SOS1: variants seen among roughly 807,000 people sequenced by gnomAD.
The protein encoded by SOS1 is SOS Ras/Rac guanine nucleotide exchange factor 1.
In SOS1, 25 loss-of-function variants were observed where a neutral mutation model predicts 157.6. The ratio of observed to expected loss-of-function variants is 0.16; its 90% CI spans 0.12 to 0.22. The LOEUF is 0.22. Ranked by LOEUF, SOS1 falls within the 10% of genes least tolerant of loss-of-function variation. The probability of loss-of-function intolerance (pLI) is 1.00; values close to 1 mark genes in which losing one functional copy is unlikely to be tolerated. For missense variants in SOS1, 1,237 were observed against 1,599.1 expected, an observed-to-expected ratio of 0.77 and a Z score of 3.86; for synonymous variants, 528 against 534.0, an observed-to-expected ratio of 0.99 and a Z score of 0.16.
intron 10 of SOS1, 27 bp downstream of exon 10, chr2:39,022,543 A>C (rs914026221): frequency 6.3e-7 from 1 of 1,588,376 alleles, no homozygotes; most frequent in Non-Finnish European, 8.6e-7. Flanking sequence ...GGAAAACAAA[A>C]GTGACAGGCA....
Position 38,984,411 on chromosome 2 carries a change from T to C in SOS1, c.*1413A>G, listed in dbSNP as rs1217942111. 2 of 152,176 alleles carry C rather than the reference T, an allele frequency of 1.3e-5. No homozygotes were observed. Among genetic ancestry groups the C allele is most frequent in the Non-Finnish European group, 2.9e-5 (2 of 68,016 alleles). 9.4% of individuals were successfully genotyped at this position (152,176 alleles called of 1,614,324 possible). On this transcript the variant is annotated 3_prime_UTR_variant, in exon 23 of 23. Coordinates refer to ENST00000402219, the MANE Select transcript of SOS1 (RefSeq NM_005633.4). Reference sequence around the variant, plus strand: ...GGTAGATGTTCTATTATGAATAGTTTTGATAAAGCAGAAAACCTCAAGCAA... The same window carrying C: ...GGTAGATGTTCTATTATGAATAGTTCTGATAAAGCAGAAAACCTCAAGCAA...
intron 1 of SOS1, among the ~76,000 whole-genome samples, chr2:39,078,215 T>C (rs1224694790): frequency 6.6e-6 from 1 of 152,222 alleles, no homozygotes; most frequent in East Asian, 1.9e-4. Flanking sequence ...CTTGTATTTA[T>C]TTGTATTCAA....
upstream of SOS1, among the ~76,000 whole-genome samples, chr2:39,123,515 G>T (rs937738795): frequency 1.3e-5 from 2 of 152,018 alleles, no homozygotes; most frequent in Admixed American, 6.6e-5. Context: ...ACGCCACCAA[G>T]CCCGGCCAAT....
chr2:39,079,746 G>A (rs892321438), intron 1 of SOS1, among the ~76,000 whole-genome samples: 5 of 152,026 alleles, frequency 3.3e-5, no homozygotes, highest in Admixed American at 6.5e-5. Flanking sequence ...GCCCACCTTG[G>A]CCTCCCAAAG....
At chr2:39,098,805 C>G (rs1252564337) in intron 1 of SOS1, among the ~76,000 whole-genome samples, 4 of 152,148 alleles carry the variant, frequency 2.6e-5, no homozygotes, top group African/African-American at 4.8e-5. Context: ...AGGAGAATTG[C>G]CTGAACCCGG....
At chr2:39,072,371 TTC>T (rs1319358890) in intron 1 of SOS1, among the ~76,000 whole-genome samples, 1 of 152,172 alleles carries the variant, frequency 6.6e-6, no homozygotes, top group Non-Finnish European at 1.5e-5. Context: ...AATAAAATAT[TTC>T]TTTCTTGGAA....
chr2:39,102,530 C>CAAAAAAAAA (rs70954782), intron 1 of SOS1, among the ~76,000 whole-genome samples: 3 of 50,598 alleles, frequency 5.9e-5, no homozygotes, highest in Non-Finnish European at 6.5e-5. Context: ...GACTCCATCT[C>CAAAAAAAAA]AAAAAAAAAA....
intron 1 of SOS1, among the ~76,000 whole-genome samples, chr2:39,104,462 G>C (rs1164296477): frequency 6.6e-6 from 1 of 152,172 alleles, no homozygotes; most frequent in East Asian, 1.9e-4. Flanking sequence ...AAAATAGCAA[G>C]TGTGGGCAAG....
intron 3 of SOS1, among the ~76,000 whole-genome samples, chr2:39,057,659 C>T (rs1383912544): frequency 1.3e-5 from 2 of 151,974 alleles, no homozygotes; most frequent in Non-Finnish European, 2.9e-5. Context: ...ACAATTAGCA[C>T]ATAAAACTCA....
At chr2:38,996,120 G>A (rs1389653177) in intron 19 of SOS1, among the ~76,000 whole-genome samples, 2 of 151,042 alleles carry the variant, frequency 1.3e-5, no homozygotes, top group African/African-American at 4.9e-5. Flanking sequence ...GTCTTGCTCT[G>A]TCTCCCAGGC....
intron 1 of SOS1, among the ~76,000 whole-genome samples, chr2:39,070,509 T>C: frequency 6.6e-6 from 1 of 152,178 alleles, no homozygotes; most frequent in Non-Finnish European, 1.5e-5. Context: ...AGTAACCTCA[T>C]TTACTTCCAC....
chr2:39,100,536 C>A (rs1672928976), intron 1 of SOS1, among the ~76,000 whole-genome samples: 1 of 152,192 alleles, frequency 6.6e-6, no homozygotes, highest in African/African-American at 2.4e-5. Flanking sequence ...GAGGACATTA[C>A]ACTCAGTAAA....
intron 1 of SOS1, among the ~76,000 whole-genome samples, chr2:39,096,068 A>C (rs902267395): frequency 7.9e-5 from 12 of 152,234 alleles, no homozygotes; most frequent in African/African-American, 1.4e-4. Context: ...TTGACTACTA[A>C]GGTGAAGGGC....
At position 39,056,951 on chromosome 2, in the gene SOS1, C is replaced by A. The variant is rs572075349; in HGVS notation, c.346-85G>T. 3 of 998,308 alleles carry A rather than the reference C, an allele frequency of 3.0e-6. No individual in the cohort carries two copies. The South Asian group carries it at 4.0e-5, about 13-fold the overall frequency. 61.8% of individuals were successfully genotyped at this position (998,308 alleles called of 1,614,324 possible). On this transcript the variant is annotated intron_variant, in intron 3 of 22. Coordinates refer to ENST00000402219, the MANE Select transcript of SOS1 (RefSeq NM_005633.4). ...TTAAAAATAAAAAACATATTTGCAC[C>A]TTAACTTACACTTTTTTTCCTGAGG...
intron 17 of SOS1, among the ~76,000 whole-genome samples, chr2:39,004,693 A>G (rs967332696): frequency 3.9e-5 from 6 of 152,166 alleles, no homozygotes; most frequent in African/African-American, 1.4e-4. Context: ...TTTAAAACTA[A>G]TACATGTCAA....
chr2:39,106,072 T>G (rs1392858699), intron 1 of SOS1, among the ~76,000 whole-genome samples: 1 of 151,308 alleles, frequency 6.6e-6, no homozygotes, highest in East Asian at 2.0e-4. Context: ...ACAAAAAAAT[T>G]AGCCGCGCAT....
At chr2:39,109,334 G>T (rs184558912) in intron 1 of SOS1, among the ~76,000 whole-genome samples, 2 of 152,094 alleles carry the variant, frequency 1.3e-5, no homozygotes, top group Non-Finnish European at 2.9e-5. Context: ...GTTCCTTTAT[G>T]GTCTGTGCTA....
chr2:38,987,001 T>C (rs1668578933), intron 22 of SOS1, among the ~76,000 whole-genome samples: 1 of 148,650 alleles, frequency 6.7e-6, no homozygotes, highest in Non-Finnish European at 1.5e-5. Flanking sequence ...GTAGAAATAA[T>C]AGCTATTTTG....
Position 39,067,670 on chromosome 2 carries a change from A to G in SOS1, c.171T>C (p.Asn57=), listed in dbSNP as rs1671637041. 8.1e-6 allele frequency: 13 copies of G among 1,613,124 alleles called. No homozygotes were observed. The highest frequency in any genetic ancestry group is 1.7e-4 in the Middle Eastern group (1 of 6,058). ...TTCGGGGCTGAGCTTGGCATAGCAT[A>G]TTTAATAATTGCAAAATTAATTCTT... ...YVEELILQLL[N]MLCQAQPRSA... Residue 57 remains asparagine, a synonymous_variant, in exon 2 of 23, where the codon AAT becomes AAC. Coordinates refer to ENST00000402219, the MANE Select transcript of SOS1 (RefSeq NM_005633.4).
Sources: gnomAD v4.1 joint callset for allele counts (sites outside exome capture counted in the v4.1 genomes callset) on GRCh38, gnomAD v4.1.1 for gene constraint, MANE v1.5 for transcripts, NCBI Gene and HGNC (gene_info 2026-07-23, HGNC 2026-07-21) for gene names.